The following DCAF10 variants were observed in gnomAD, a reference collection of about 807,000 sequenced individuals.
DCAF10 encodes the protein DDB1- and CUL4-associated factor 10.
A neutral mutation model predicts 51.9 loss-of-function variants in DCAF10; 19 were observed. The observed-to-expected ratio is 0.37, with a 90% CI of 0.26 to 0.54. The LOEUF is 0.54. DCAF10 is among the 20% of genes least tolerant of loss of function. The pLI, the probability that DCAF10 is intolerant of heterozygous loss-of-function variation, is 0.87. For missense variants in DCAF10, 510 were observed against 730.6 expected (o/e 0.70, Z 3.48); for synonymous variants, 291 against 297.1 (o/e 0.98, Z 0.21).
intron 5 of DCAF10, among the ~76,000 whole-genome samples, chr9:37,858,037 CT>C (rs141204248): frequency 8.1e-5 from 12 of 148,356 alleles, no homozygotes; most frequent in East Asian, 2.0e-4. Context: ...AGATGGCTTG[CT>C]TTTTTTTTTG....
intron 1 of DCAF10, among the ~76,000 whole-genome samples, chr9:37,818,179 A>G (rs1293054440): frequency 6.6e-6 from 1 of 152,102 alleles, no homozygotes; most frequent in East Asian, 1.9e-4. Flanking sequence ...AATTTTTAGT[A>G]GAGACAGGGT....
Position 37,865,527 on chromosome 9 carries a change from T to C in DCAF10, c.*4019T>C, listed in dbSNP as rs1831119404. On this transcript the variant is annotated 3_prime_UTR_variant, in exon 7 of 7. Coordinates refer to ENST00000377724, the MANE Select transcript of DCAF10 (RefSeq NM_024345.5). Reference sequence around the variant, plus strand: ...AGTAATTTTTATTCATAATTCATGATAATTGGTAATGTAGTATAATTGTTA... The same window carrying C: ...AGTAATTTTTATTCATAATTCATGACAATTGGTAATGTAGTATAATTGTTA... 1 of 152,250 alleles carries C rather than the reference T, an allele frequency of 6.6e-6. No homozygotes were observed. The highest frequency in any genetic ancestry group is 6.5e-5 in the Admixed American group (1 of 15,284). The allele number at this position is 152,250 out of a possible 1,614,324, so 9.4% of individuals were successfully genotyped here. A position where few individuals can be genotyped will look rare whatever the true frequency, so the allele number is the denominator to read the frequency against.
chr9:37,851,422 G>A (rs893981954), intron 3 of DCAF10, among the ~76,000 whole-genome samples: 1 of 151,646 alleles, frequency 6.6e-6, no homozygotes, highest in African/African-American at 2.4e-5. Context: ...TCAAGTGATC[G>A]TCCCACCTCG....
At chr9:37,849,441 A>G (rs557971051) in intron 3 of DCAF10, among the ~76,000 whole-genome samples, 2 of 152,272 alleles carry the variant, frequency 1.3e-5, no homozygotes, top group South Asian at 2.1e-4. Flanking sequence ...TGTTTATACA[A>G]ACTTTCTTTA....
At chr9:37,852,140 C>A (rs73449375) in intron 3 of DCAF10, among the ~76,000 whole-genome samples, 29,106 of 152,028 alleles carry the variant, frequency 0.19, 3,182 homozygotes, top group African/African-American at 0.29. Flanking sequence ...AGAGAAGATT[C>A]ACCAGAGGGG....
rs1831121426 is a variant in DCAF10 at position 37,865,606 on chromosome 9, G to A, written c.*4098G>A. The A allele has an allele frequency of 6.6e-6, 1 of 152,166 alleles. No individual in the cohort carries two copies. The highest frequency in any genetic ancestry group is 1.5e-5 in the Non-Finnish European group (1 of 68,020). The allele number at this position is 152,166 out of a possible 1,614,324, so 9.4% of individuals were successfully genotyped here. On this transcript the variant is annotated 3_prime_UTR_variant, in exon 7 of 7. Transcript: ENST00000377724. Reference sequence around the variant, plus strand: ...TTTAAAAAGTTTTCCGCAGAACAGTGCATTTATGGCAATGCTATGTTTAAT... The same window carrying A: ...TTTAAAAAGTTTTCCGCAGAACAGTACATTTATGGCAATGCTATGTTTAAT...
At chr9:37,804,627 C>G (rs1829056749) in intron 1 of DCAF10, among the ~76,000 whole-genome samples, 1 of 151,726 alleles carries the variant, frequency 6.6e-6, no homozygotes, top group Non-Finnish European at 1.5e-5. Flanking sequence ...AAATACAAAA[C>G]TAGCCGAGCG....
At chr9:37,848,403 A>C (rs148741185) in intron 3 of DCAF10, among the ~76,000 whole-genome samples, 191 of 152,360 alleles carry the variant, frequency 1.3e-3, no homozygotes, top group African/African-American at 4.4e-3. Context: ...CGAACAAATA[A>C]TTGATACATG....
intron 3 of DCAF10, among the ~76,000 whole-genome samples, chr9:37,845,619 G>A (rs189731848): frequency 2.6e-5 from 4 of 152,212 alleles, no homozygotes; most frequent in East Asian, 1.9e-4. Context: ...ATACCAATTC[G>A]TAAATAGGCA....
At position 37,800,924 on chromosome 9, in the gene DCAF10, G is replaced by A. The variant is rs759297907; in HGVS notation, c.58G>A (p.Glu20Lys). ...GGACGGATCGGCCGGAGCCGGGGCT[G>A]AGGAGCCGACGCCCCACGAGGGGCA... ...GGDGSAGAGA[E>K]EPTPHEGQAA... The change falls in exon 1 of 7, where the codon GAG becomes AAG. Residue 20 changes from glutamate (E) to lysine (K), a missense_variant. Glu to Lys is a moderately conservative substitution (Grantham distance 56). This residue lies in a region of DCAF10 where 251 missense variants were observed against 227.9 expected (regional missense o/e 1.10). Coordinates refer to ENST00000377724, the MANE Select transcript of DCAF10 (RefSeq NM_024345.5). The A allele has an allele frequency of 1.3e-6, 2 of 1,496,332 alleles. No homozygotes were observed. The highest frequency in any genetic ancestry group is 1.3e-5 in the South Asian group (1 of 77,958). The allele number at this position is 1,496,332 out of a possible 1,614,324, so 92.7% of individuals were successfully genotyped here.
intron 1 of DCAF10, among the ~76,000 whole-genome samples, chr9:37,802,587 A>G (rs920358453): frequency 6.6e-6 from 1 of 152,222 alleles, no homozygotes; most frequent in Non-Finnish European, 1.5e-5. Flanking sequence ...TACTGAAGAA[A>G]GACCTGAAGT....
intron 2 of DCAF10, among the ~76,000 whole-genome samples, chr9:37,822,517 T>C (rs779582506): frequency 7.9e-5 from 12 of 151,112 alleles, no homozygotes; most frequent in Non-Finnish European, 1.3e-4. Flanking sequence ...TTGGAGACTA[T>C]TATTTTAAGT....
At position 37,829,025 on chromosome 9, in the gene DCAF10, C is replaced by T. The variant is rs1276236757; in HGVS notation, c.653+9624C>T. Among the ~76,000 whole-genome samples, 8 of 152,098 alleles carry T rather than the reference C, an allele frequency of 5.3e-5. No individual in the cohort carries two copies. The highest frequency in any genetic ancestry group is 1.7e-4 in the African/African-American group (7 of 41,424). ...AATTTTAAACTTCATTGTAACCAAA[C>T]GCATCATAATAATGTGAGAAGATAG... is the stretch of plus-strand genomic sequence containing the variant. On this transcript the variant is annotated intron_variant, in intron 2 of 6. Coordinates refer to ENST00000377724, the MANE Select transcript of DCAF10 (RefSeq NM_024345.5). The surrounding 1 kb of genome is among the most constrained non-coding windows in gnomAD (Gnocchi z 4.2).
At chr9:37,812,299 A>G (rs952691877) in intron 1 of DCAF10, among the ~76,000 whole-genome samples, 12 of 152,222 alleles carry the variant, frequency 7.9e-5, no homozygotes, top group Admixed American at 2.0e-4. Flanking sequence ...ACAGAAATAT[A>G]AAGCCACACT....
At chr9:37,803,722 C>T (rs1004827295) in intron 1 of DCAF10, among the ~76,000 whole-genome samples, 5 of 148,726 alleles carry the variant, frequency 3.4e-5, no homozygotes, top group Non-Finnish European at 5.9e-5. Context: ...ATGACATATC[C>T]GTGTTAAATG....
chr9:37,837,050 ACTAG>A (rs1184161582), intron 2 of DCAF10, among the ~76,000 whole-genome samples: 1 of 152,216 alleles, frequency 6.6e-6, no homozygotes, highest in Non-Finnish European at 1.5e-5. Flanking sequence ...TTAAGAAATT[ACTAG>A]TTGTATTATT....
chr9:37,832,380 C>G (rs1830034140), intron 2 of DCAF10, among the ~76,000 whole-genome samples: 3 of 151,964 alleles, frequency 2.0e-5, no homozygotes, highest in African/African-American at 7.3e-5. Flanking sequence ...ATCGCTTGAA[C>G]CCAGGAGGTG....
intron 3 of DCAF10, among the ~76,000 whole-genome samples, chr9:37,854,549 T>C (rs555407854): frequency 1.4e-4 from 22 of 152,310 alleles, no homozygotes; most frequent in African/African-American, 5.1e-4. Context: ...CATGTAACAG[T>C]CGCTCTTCTA....
chr9:37,861,317 T>A lies in DCAF10; in HGVS notation c.1489T>A (p.Leu497Met), dbSNP rs1450682262. The change falls in exon 7 of 7, where the codon TTG becomes ATG. Residue 497 changes from leucine (L) to methionine (M), a missense_variant. Physicochemically the swap from Leu to Met is conservative, Grantham distance 15 (BLOSUM62 2). Transcript: ENST00000377724. The surrounding 1 kb of genome is among the most constrained non-coding windows in gnomAD (Gnocchi z 4.9). ...ISSPHGYGIR[L>M]LGFDKQCSEL... The stretch of plus-strand genomic sequence containing the variant: ...TTCCCCACATGGCTATGGGATTCGC[T>A]TGTTGGGATTTGACAAACAGTGCAG... 5 of 1,614,216 alleles carry A rather than the reference T, an allele frequency of 3.1e-6. No individual in the cohort carries two copies. The highest frequency in any genetic ancestry group is 4.2e-6 in the Non-Finnish European group (5 of 1,180,036).
Sources: gnomAD v4.1 joint callset for allele counts (sites outside exome capture counted in the v4.1 genomes callset) on GRCh38, gnomAD v4.1.1 for gene constraint, gnomAD v4.1.1 regional missense constraint, Gnocchi (gnomAD v3.1) non-coding constraint, MANE v1.5 for transcripts, NCBI Gene and HGNC (gene_info 2026-07-23, HGNC 2026-07-21) for gene names.